Variants in IGF1R observed in about 807,000 individuals in gnomAD.
IGF1R encodes the protein insulin like growth factor 1 receptor.
IGF1R carries 44 observed loss-of-function variants against 144.6 expected under a neutral mutation model. That is an observed-to-expected ratio of 0.30 (90% CI 0.24 to 0.39). The LOEUF is 0.39. Among genes scored for constraint, IGF1R ranks in the 10% least tolerant of loss-of-function variants. The pLI, the probability that IGF1R is intolerant of heterozygous loss-of-function variation, is 1.00. For synonymous variants in IGF1R, 795 were observed against 722.8 expected (o/e 1.10, Z -1.60); for missense variants, 1,355 against 1,833.7 (o/e 0.74, Z 4.77).
Position 98,896,819 on chromosome 15 carries a change from A to G in IGF1R, c.1016A>G (p.Lys339Arg). Reference protein sequence around the residue: ...PKVCEEEKKTKTIDSVTSAQM... With the variant: ...PKVCEEEKKTRTIDSVTSAQM... ...GTCTGTGAGGAAGAAAAGAAAACAA[A>G]GACCATTGATTCTGTTACTTCTGCT... The change falls in exon 4 of 21, where the codon AAG becomes AGG. Residue 339 changes from lysine to arginine, a missense_variant. Lys to Arg is a conservative substitution (Grantham distance 26). Coordinates refer to ENST00000650285, the MANE Select transcript of IGF1R (RefSeq NM_000875.5). 3 of 1,614,154 alleles carry G rather than the reference A, an allele frequency of 1.9e-6. No homozygotes were observed. The highest frequency in any genetic ancestry group is 1.7e-6 in the Non-Finnish European group (2 of 1,180,010).
chr15:98,877,943 T>C (rs1416269757), intron 2 of IGF1R, among the ~76,000 whole-genome samples: 2 of 152,260 alleles, frequency 1.3e-5, no homozygotes, highest in Non-Finnish European at 2.9e-5. Context: ...TGATTATGTG[T>C]GTGGCAGGGG....
intron 2 of IGF1R, among the ~76,000 whole-genome samples, chr15:98,765,202 C>T (rs1352641253): frequency 2.6e-5 from 4 of 150,996 alleles, no homozygotes; most frequent in Admixed American, 2.6e-4. Flanking sequence ...AGAAGATTTG[C>T]TTTTCATTGC....
chr15:98,678,059 T>C (rs996259464), intron 1 of IGF1R, among the ~76,000 whole-genome samples: 6 of 152,244 alleles, frequency 3.9e-5, no homozygotes, highest in African/African-American at 1.2e-4. Context: ...AAGAATTGCC[T>C]GTCTTGTTTT....
At chr15:98,895,312 T>A (rs949323562) in intron 3 of IGF1R, among the ~76,000 whole-genome samples, 37 of 152,042 alleles carry the variant, frequency 2.4e-4, no homozygotes, top group Middle Eastern at 3.4e-3. Context: ...TAAGATGTAG[T>A]AAACATTGGA....
intron 2 of IGF1R, chr15:98,784,621 G>A (rs1402388662): frequency 6.5e-6 from 1 of 153,950 alleles, no homozygotes; most frequent in Non-Finnish European, 1.5e-5. Flanking sequence ...AATCTCTTAT[G>A]TAAAACTGCA....
At chr15:98,847,221 T>TA (rs1314219307) in intron 2 of IGF1R, among the ~76,000 whole-genome samples, 1 of 152,120 alleles carries the variant, frequency 6.6e-6, no homozygotes, top group East Asian at 1.9e-4. Flanking sequence ...AAGTGATCCT[T>TA]CTGCCTTGGA....
chr15:98,945,810 C>T (rs2016527703), intron 19 of IGF1R, among the ~76,000 whole-genome samples: 1 of 152,118 alleles, frequency 6.6e-6, no homozygotes, highest in Non-Finnish European at 1.5e-5. Flanking sequence ...TCACATTAAG[C>T]TGTGAAGGAC....
rs1221252890 is a variant in IGF1R, at chr15:98,959,561, G to C, written c.*2119G>C. On this transcript the variant is annotated 3_prime_UTR_variant, in exon 21 of 21. Transcript: ENST00000650285. ...TGGCCCAAGAGCCCCTTTGCTTCTT[G>C]CTGGGGGACCAGGGCTGTGGTGCTG... is the stretch of plus-strand genomic sequence containing the variant. 4.3e-6 allele frequency: 1 copy of C among 233,516 alleles called. No individual in the cohort carries two copies. The highest frequency in any genetic ancestry group is 8.5e-6 in the Non-Finnish European group (1 of 118,028). The allele number at this position is 233,516 out of a possible 1,614,324, so 14.5% of individuals were successfully genotyped here. A position where few individuals can be genotyped will look rare whatever the true frequency, so the allele number is the denominator to read the frequency against.
rs866504202 is a variant in IGF1R, at chr15:98,939,118, G to C, written c.3298-83G>C. ...ACCCACGGTGCCCAGATTGAACAAA[G>C]ATGATATGCAAACCTCGAAAGAAAT... is the stretch of plus-strand genomic sequence containing the variant. On this transcript the variant is annotated intron_variant, in intron 17 of 20. Transcript: ENST00000650285. The C allele has an allele frequency of 5.1e-6, 6 of 1,167,232 alleles. No individual in the cohort carries two copies. The Middle Eastern group carries it at 1.0e-3, about 196-fold the overall frequency. The allele number at this position is 1,167,232 out of a possible 1,614,324, so 72.3% of individuals were successfully genotyped here.
At chr15:98,896,976 C>A in intron 4 of IGF1R, 71 bp downstream of exon 4, 1 of 1,481,328 alleles carries the variant, frequency 6.8e-7, no homozygotes, top group Non-Finnish European at 9.4e-7. Flanking sequence ...TTTCATGCTC[C>A]CGTCCCTGAG....
chr15:98,701,013 C>T (rs1047435579), intron 1 of IGF1R, among the ~76,000 whole-genome samples: 6 of 152,090 alleles, frequency 3.9e-5, no homozygotes, highest in Admixed American at 1.3e-4. Flanking sequence ...CTCCTAACCT[C>T]TTAAATCATT....
At chr15:98,875,623 A>G (rs561412200) in intron 2 of IGF1R, among the ~76,000 whole-genome samples, 19 of 152,056 alleles carry the variant, frequency 1.2e-4, no homozygotes, top group African/African-American at 4.3e-4. Flanking sequence ...TCCACTGTAG[A>G]GCTGCCCTGC....
intron 2 of IGF1R, among the ~76,000 whole-genome samples, chr15:98,759,547 A>G (rs2055241846): frequency 6.6e-6 from 1 of 152,234 alleles, no homozygotes; most frequent in Non-Finnish European, 1.5e-5. Context: ...TACTCTAGAA[A>G]TAGCTTCATG....
chr15:98,785,302 A>G (rs1308669096), intron 2 of IGF1R, among the ~76,000 whole-genome samples: 1 of 152,240 alleles, frequency 6.6e-6, no homozygotes, highest in Non-Finnish European at 1.5e-5. Context: ...ACACAGTCAG[A>G]TACTTGCAGT....
intron 2 of IGF1R, among the ~76,000 whole-genome samples, chr15:98,765,254 T>A (rs1401638514): frequency 2.0e-5 from 3 of 151,206 alleles, no homozygotes; most frequent in Non-Finnish European, 4.4e-5. Flanking sequence ...TGTTCTGAGA[T>A]GGATGTAAAC....
chr15:98,682,073 G>A (rs1474816261), intron 1 of IGF1R, among the ~76,000 whole-genome samples: 4 of 152,330 alleles, frequency 2.6e-5, no homozygotes, highest in Admixed American at 6.5e-5. Context: ...CAGGACTGAT[G>A]AGTGAACAGC....
chr15:98,777,795 A>G (rs919257772), intron 2 of IGF1R, among the ~76,000 whole-genome samples: 1 of 152,248 alleles, frequency 6.6e-6, no homozygotes, highest in Non-Finnish European at 1.5e-5. Flanking sequence ...CTGGTCATGC[A>G]GAGACGGAGC....
intron 2 of IGF1R, among the ~76,000 whole-genome samples, chr15:98,751,843 A>G (rs1443994388): frequency 1.3e-5 from 2 of 152,228 alleles, no homozygotes; most frequent in African/African-American, 2.4e-5. Context: ...AGGGAAGAAC[A>G]AATAACATAA....
In IGF1R at chr15:98,934,969, A is replaced by G. The variant is rs1411233075; in HGVS notation, c.3102A>G (p.Thr1034=). ...DEPETRVAIK[T]VNEAASMRER... ...CTGAAACCAGAGTGGCCATTAAAAC[A>G]GTGAACGAGGCCGCAAGCATGCGTG... is the stretch of plus-strand genomic sequence containing the variant. Residue 1034 remains threonine (T), a synonymous_variant, in exon 16 of 21, where the codon ACA becomes ACG. Coordinates refer to ENST00000650285, the MANE Select transcript of IGF1R (RefSeq NM_000875.5). The G allele has an allele frequency of 6.2e-7, 1 of 1,614,238 alleles. No individual in the cohort carries two copies. The highest frequency in any genetic ancestry group is 8.5e-7 in the Non-Finnish European group (1 of 1,180,036).
Sources: gnomAD v4.1 joint callset for allele counts (sites outside exome capture counted in the v4.1 genomes callset) on GRCh38, gnomAD v4.1.1 for gene constraint, MANE v1.5 for transcripts, NCBI Gene and HGNC (gene_info 2026-07-23, HGNC 2026-07-21) for gene names.